The following EPAS1 variants were observed in gnomAD, a reference collection of about 807,000 sequenced individuals.
EPAS1 encodes the protein endothelial PAS domain-containing protein 1.
Under a neutral mutation model 87.9 loss-of-function variants are expected in EPAS1, and 23 were observed. That is an observed-to-expected ratio of 0.26 (90% confidence interval 0.19 to 0.37). EPAS1 has a LOEUF of 0.37. EPAS1 is among the 10% of genes least tolerant of loss of function. EPAS1 has a pLI of 1.00. For missense variants in EPAS1, 1,138 were observed against 1,120.7 expected, an observed-to-expected ratio of 1.02 and a Z score of -0.22; for synonymous variants, 508 against 444.3, an observed-to-expected ratio of 1.14 and a Z score of -1.80.
intron 6 of EPAS1, among the ~76,000 whole-genome samples, chr2:46,366,705 C>A (rs1489160986): frequency 6.6e-6 from 1 of 152,028 alleles, no homozygotes; most frequent in Non-Finnish European, 1.5e-5. Context: ...AGTCAGGGGT[C>A]CTTAATTAGA....
chr2:46,338,302 T>TC lies in EPAS1; in HGVS notation c.27-8570dup, dbSNP rs199825606. On this transcript the variant is annotated intron_variant, in intron 1 of 15. Transcript: ENST00000263734. Reference sequence around the variant, plus strand: ...TAAACAGAAGCAATATGCTGAGAGTTCTTTACTAACTGGAAAGAGTCACAT... The same window carrying TC: ...TAAACAGAAGCAATATGCTGAGAGTTCCTTTACTAACTGGAAAGAGTCACAT... 6.6e-3 allele frequency among the ~76,000 whole-genome samples: 998 copies of TC among 152,336 alleles called. 7 individuals carry two copies. The highest frequency in any genetic ancestry group is 0.01 in the Non-Finnish European group (684 of 68,036).
At chr2:46,332,866 G>A (rs572589127) in intron 1 of EPAS1, among the ~76,000 whole-genome samples, 54 of 152,316 alleles carry the variant, frequency 3.5e-4, no homozygotes, top group African/African-American at 1.3e-3. Flanking sequence ...GTTCTGTAGT[G>A]TCGAGGAGGT....
chr2:46,348,697 G>C (rs559301981), intron 2 of EPAS1, among the ~76,000 whole-genome samples: 1 of 152,180 alleles, frequency 6.6e-6, no homozygotes. Context: ...TCCCTTATCC[G>C]AAATGCTTGG....
chr2:46,310,474 G>A (rs1043202113), intron 1 of EPAS1, among the ~76,000 whole-genome samples: 7 of 152,136 alleles, frequency 4.6e-5, no homozygotes, highest in South Asian at 2.1e-4. Context: ...AAAGCACTGC[G>A]ACCAAGCTGT....
Position 46,297,935 on chromosome 2 carries a change from A to G in EPAS1, c.24A>G (p.Lys8=), listed in dbSNP as rs1219658245. The G allele has an allele frequency of 5.6e-6, 9 of 1,612,222 alleles. 1 individual carries two copies. The Admixed American group carries it at 6.7e-5, about 12-fold the overall frequency. MTADKEK[K]RSSSERRKEK... is the part of the protein sequence containing the mutation. ...CAATGACAGCTGACAAGGAGAAGAA[A>G]AGGTAAGCGGGCGTCCGGGCCGATC... Residue 8 remains lysine (K), a splice_region_variant and synonymous_variant, in exon 1 of 16, where the codon AAA becomes AAG. Coordinates refer to ENST00000263734, the MANE Select transcript of EPAS1 (RefSeq NM_001430.5).
intron 1 of EPAS1, among the ~76,000 whole-genome samples, chr2:46,320,398 A>G (rs1683430865): frequency 6.6e-6 from 1 of 152,220 alleles, no homozygotes. Context: ...ACTTCTGTAC[A>G]ATGCACATGG....
In EPAS1 at chr2:46,307,395, A is replaced by G. The variant is rs1475125497; in HGVS notation, c.26+9458A>G. On this transcript the variant is annotated intron_variant, in intron 1 of 15. Coordinates refer to ENST00000263734, the MANE Select transcript of EPAS1 (RefSeq NM_001430.5). ...AGATATTAAGATAAGGAAAGTATGA[A>G]GGTCACATTTCACTGGTGACAAGAG... 2.6e-5 allele frequency among the ~76,000 whole-genome samples: 4 copies of G among 152,208 alleles called. No individual in the cohort carries two copies. The East Asian group carries it at 5.8e-4, about 22-fold the overall frequency.
intron 12 of EPAS1, chr2:46,381,246 G>C: frequency 2.6e-6 from 1 of 386,336 alleles, no homozygotes; most frequent in South Asian, 2.2e-5. Flanking sequence ...CCACTCCCAG[G>C]GGCCGCTGGT....
At chr2:46,353,060 C>G (rs769506301) in intron 2 of EPAS1, among the ~76,000 whole-genome samples, 1 of 152,218 alleles carries the variant, frequency 6.6e-6, no homozygotes, top group Non-Finnish European at 1.5e-5. Flanking sequence ...AGCGTTACCA[C>G]TGAGATCAAA....
intron 7 of EPAS1, among the ~76,000 whole-genome samples, chr2:46,370,406 C>G (rs750878512): frequency 6.6e-6 from 1 of 152,160 alleles, no homozygotes; most frequent in Non-Finnish European, 1.5e-5. Flanking sequence ...CTTGAAGGAT[C>G]GGGGAGGCTT....
chr2:46,382,148 G>C, intron 14 of EPAS1, 59 bp downstream of exon 14: 1 of 1,494,674 alleles, frequency 6.7e-7, no homozygotes, highest in Non-Finnish European at 9.2e-7. Flanking sequence ...ACTGGGGCTC[G>C]GGAGCCCATC....
In EPAS1 at chr2:46,380,816, A is replaced by G; in HGVS notation, c.2045+99A>G. ...CAGGGAGGCCCCTGCCCCTCTCCCC[A>G]GCCATCTGATACCCCATTTAGCCCT... On this transcript the variant is annotated intron_variant, in intron 12 of 15. Transcript: ENST00000263734. This position sits in a 1 kb window ranked among gnomAD's most constrained non-coding sequence, Gnocchi z 4.4. 6.3e-7 allele frequency: 1 copy of G among 1,582,774 alleles called. No individual in the cohort carries two copies.
In EPAS1 at chr2:46,361,091, G is replaced by GT; in HGVS notation, c.779+2dup. 6.2e-7 allele frequency: 1 copy of GT among 1,614,090 alleles called. No individual in the cohort carries two copies. The highest frequency in any genetic ancestry group is 8.5e-7 in the Non-Finnish European group (1 of 1,179,990). ...TGAAGTTCACCTACTGTGATGACAG[G>GT]TAGGGGGCCATGGGTGTGTATGCTG... On this transcript the variant is annotated splice_donor_variant, in intron 6 of 15. Transcript: ENST00000263734. LOFTEE classifies it high-confidence loss of function.
chr2:46,377,125 C>T (rs997405735), intron 9 of EPAS1, among the ~76,000 whole-genome samples: 3 of 152,160 alleles, frequency 2.0e-5, no homozygotes, highest in Non-Finnish European at 4.4e-5. Flanking sequence ...CAGATTCCTA[C>T]CAGGGTCTGG....
rs185352231 is a variant in EPAS1 at position 46,375,461 on chromosome 2, C to A, written c.887-229C>A. Among the ~76,000 whole-genome samples, 1 of 152,236 alleles carries A rather than the reference C, an allele frequency of 6.6e-6. No homozygotes were observed. Among genetic ancestry groups the A allele is most frequent in the Non-Finnish European group, 1.5e-5 (1 of 68,008 alleles). On this transcript the variant is annotated intron_variant, in intron 7 of 15. Transcript: ENST00000263734. This position sits in a 1 kb window ranked among gnomAD's most constrained non-coding sequence, Gnocchi z 4.1. ...CCCTCCCTCAGTAGACAGCCTTGGG[C>A]AAGTCATTTCACCTCTTCTCACCTC...
At position 46,375,178 on chromosome 2, in the gene EPAS1, GAAAAAAAAAAACAAAA is replaced by G. The variant is rs1684711570; in HGVS notation, c.887-506_887-491del. ...GCAGGGTATTGGTGGTGGGTCTGCTGAAAAAAAAAAACAAAAAAAAACAAAAAAAACTGCCCTGAGG... is the reference window on the plus strand; with the variant it reads ...GCAGGGTATTGGTGGTGGGTCTGCTGAAAAACAAAAAAAACTGCCCTGAGG... On this transcript the variant is annotated intron_variant, in intron 7 of 15. Transcript: ENST00000263734. The surrounding 1 kb of genome is among the most constrained non-coding windows in gnomAD (Gnocchi z 4.1). Among the ~76,000 whole-genome samples, 1 of 117,540 alleles carries G rather than the reference GAAAAAAAAAAACAAAA, an allele frequency of 8.5e-6. No individual in the cohort carries two copies. Among genetic ancestry groups the G allele is most frequent in the Admixed American group, 8.5e-5 (1 of 11,708 alleles). The allele number at this position is 117,540 out of a possible 152,430, so 77.1% of individuals were successfully genotyped here.
In EPAS1 at chr2:46,375,234, G is replaced by A. The variant is rs973370903; in HGVS notation, c.887-456G>A. On this transcript the variant is annotated intron_variant, in intron 7 of 15. Transcript: ENST00000263734. The surrounding 1 kb of genome is among the most constrained non-coding windows in gnomAD (Gnocchi z 4.1). ...CTGCCCTGAGGTCAGGCTTTCTCCA[G>A]GCTGCTTAGAAGTCCCCCCACCTGG... 4.8e-5 allele frequency among the ~76,000 whole-genome samples: 7 copies of A among 145,812 alleles called. No individual in the cohort carries two copies. The highest frequency in any genetic ancestry group is 1.8e-4 in the African/African-American group (7 of 39,376).
At chr2:46,307,324 A>C (rs1008421795) in intron 1 of EPAS1, among the ~76,000 whole-genome samples, 59 of 152,264 alleles carry the variant, frequency 3.9e-4, no homozygotes, top group African/African-American at 1.4e-3. Context: ...ACCACATTTC[A>C]CCTTTAGAAC....
chr2:46,318,815 A>G (rs1196567584), intron 1 of EPAS1, among the ~76,000 whole-genome samples: 1 of 152,226 alleles, frequency 6.6e-6, no homozygotes, highest in Non-Finnish European at 1.5e-5. Context: ...AAAATGAGGT[A>G]TGCCTGCATT....
Sources: gnomAD v4.1 joint callset for allele counts (sites outside exome capture counted in the v4.1 genomes callset) on GRCh38, gnomAD v4.1.1 for gene constraint, Gnocchi (gnomAD v3.1) non-coding constraint, MANE v1.5 for transcripts, NCBI Gene and HGNC (gene_info 2026-07-23, HGNC 2026-07-21) for gene names.